MARK1: variants seen among roughly 807,000 people sequenced by gnomAD.
MARK1 encodes microtubule affinity regulating kinase 1, also known as serine/threonine-protein kinase MARK1.
A neutral mutation model predicts 96.3 loss-of-function variants in MARK1; 40 were observed. That is an observed-to-expected ratio of 0.42 (90% confidence interval 0.32 to 0.54). MARK1 has a LOEUF of 0.54. MARK1 is among the 20% of genes least tolerant of loss of function. The probability of loss-of-function intolerance (pLI) is 0.16; values close to 1 mark genes in which losing one functional copy is unlikely to be tolerated. For missense variants in MARK1, 719 were observed against 984.6 expected, an observed-to-expected ratio of 0.73 and a Z score of 3.61; for synonymous variants, 317 against 341.2, an observed-to-expected ratio of 0.93 and a Z score of 0.78.
intron 1 of MARK1, among the ~76,000 whole-genome samples, chr1:220,577,843 G>A (rs1033721753): frequency 2.0e-5 from 3 of 152,192 alleles, no homozygotes; most frequent in Admixed American, 6.5e-5. Context: ...GTGATACGTG[G>A]AAGTACAGGT....
At chr1:220,645,018 T>G (rs1668502374) in intron 13 of MARK1, among the ~76,000 whole-genome samples, 1 of 151,742 alleles carries the variant, frequency 6.6e-6, no homozygotes, top group Non-Finnish European at 1.5e-5. Context: ...CTAAAAGAAC[T>G]AGAGAACCAA....
intron 1 of MARK1, among the ~76,000 whole-genome samples, chr1:220,554,690 T>C (rs1041957913): frequency 6.6e-6 from 1 of 151,844 alleles, no homozygotes; most frequent in African/African-American, 2.4e-5. Context: ...GGTACTGGAG[T>C]GTGTTGATTT....
At chr1:220,550,010 C>A (rs896362296) in intron 1 of MARK1, among the ~76,000 whole-genome samples, 2 of 152,204 alleles carry the variant, frequency 1.3e-5, no homozygotes, top group African/African-American at 4.8e-5. Context: ...AGTCGTGATA[C>A]AACTAAATTC....
chr1:220,642,988 G>A (rs769880350), intron 13 of MARK1, among the ~76,000 whole-genome samples: 4 of 152,234 alleles, frequency 2.6e-5, no homozygotes, highest in African/African-American at 4.8e-5. Flanking sequence ...ATAAATCCAC[G>A]AAAATGAGGA....
In MARK1 at chr1:220,664,106, C is replaced by A. The variant is rs572344780; in HGVS notation, c.*1940C>A. The A allele has an allele frequency of 5.9e-5, 9 of 152,242 alleles. No individual in the cohort carries two copies. The highest frequency in any genetic ancestry group is 2.2e-4 in the African/African-American group (9 of 41,536). The allele number at this position is 152,242 out of a possible 1,614,324, so 9.4% of individuals were successfully genotyped here. A position where few individuals can be genotyped will look rare whatever the true frequency, so the allele number is the denominator to read the frequency against. On this transcript the variant is annotated 3_prime_UTR_variant, in exon 18 of 18. Coordinates refer to ENST00000366917, the MANE Select transcript of MARK1 (RefSeq NM_018650.5). ...AAGTTTAATCTTTTTATAGGAATTC[C>A]TGTCACTGAAATACGTTTTTAAAAA... is the stretch of plus-strand genomic sequence containing the variant.
At chr1:220,552,780 T>C (rs1661954157) in intron 1 of MARK1, among the ~76,000 whole-genome samples, 2 of 152,190 alleles carry the variant, frequency 1.3e-5, no homozygotes, top group South Asian at 4.1e-4. Context: ...TCCCTTCTAT[T>C]ATGAAAGTAG....
At position 220,582,445 on chromosome 1, in the gene MARK1, AC is replaced by A. The variant is rs200715813; in HGVS notation, c.309+1328del. ...TTTACTGGGCTGGAACCACAGTAGG[AC>A]ATATCTTTGCCTACCCCTGTGCTGG... On this transcript the variant is annotated intron_variant, in intron 3 of 17. Transcript: ENST00000366917. 3.5e-4 allele frequency among the ~76,000 whole-genome samples: 54 copies of A among 152,328 alleles called. 1 individual carries two copies. In the East Asian group the frequency reaches 5.2e-3, roughly 15 times the overall value.
chr1:220,564,822 G>A (rs1443589520), intron 1 of MARK1, among the ~76,000 whole-genome samples: 1 of 152,148 alleles, frequency 6.6e-6, no homozygotes, highest in South Asian at 2.1e-4. Flanking sequence ...TAATGTTGAA[G>A]TGTAGGGACT....
At chr1:220,564,762 A>T (rs1662923339) in intron 1 of MARK1, among the ~76,000 whole-genome samples, 1 of 152,172 alleles carries the variant, frequency 6.6e-6, no homozygotes, top group Admixed American at 6.5e-5. Context: ...TTCAGCAACT[A>T]TAGGTTGTCA....
At chr1:220,552,601 G>C (rs1374986231) in intron 1 of MARK1, among the ~76,000 whole-genome samples, 1 of 152,076 alleles carries the variant, frequency 6.6e-6, no homozygotes, top group Non-Finnish European at 1.5e-5. Flanking sequence ...TGAGTTCGTT[G>C]CCTAGAAGCA....
intron 1 of MARK1, among the ~76,000 whole-genome samples, chr1:220,573,538 T>C (rs1663618269): frequency 6.6e-6 from 1 of 152,054 alleles, no homozygotes; most frequent in Admixed American, 6.6e-5. Context: ...TTAGCCAGGA[T>C]GGTCTCGATC....
chr1:220,586,270 C>T (rs529380056), intron 3 of MARK1, among the ~76,000 whole-genome samples: 32 of 152,260 alleles, frequency 2.1e-4, no homozygotes, highest in South Asian at 1.7e-3. Flanking sequence ...TAGTGATTTT[C>T]ATCTGCTCCT....
chr1:220,650,645 T>C lies in MARK1; in HGVS notation c.1496T>C (p.Met499Thr), dbSNP rs1304309963. Residue 499 changes from methionine to threonine, a missense_variant, in exon 14 of 18, where the codon ATG becomes ACG. Coordinates refer to ENST00000366917, the MANE Select transcript of MARK1 (RefSeq NM_018650.5). ...AACAATGTGTATTCTGGAGGTAGCA[T>C]GGCAAGAAGGAATACATATGTCTGT... ...PSNNVYSGGSMARRNTYVCER... is the reference protein window; with the variant it reads ...PSNNVYSGGSTARRNTYVCER... The C allele has an allele frequency of 1.2e-6, 2 of 1,611,520 alleles. No homozygotes were observed. Among genetic ancestry groups the C allele is most frequent in the Admixed American group, 3.3e-5 (2 of 59,978 alleles).
rs770834531 is a variant in MARK1 at position 220,650,601 on chromosome 1, CT to C, written c.1471-11del. On this transcript the variant is annotated intron_variant, in intron 13 of 17. Coordinates refer to ENST00000366917, the MANE Select transcript of MARK1 (RefSeq NM_018650.5). Reference sequence around the variant, plus strand: ...AATATATTTATAATTTTTTAATTGCCTTTTTTTTATTCTTGAAGAACAATGT... The same window carrying C: ...AATATATTTATAATTTTTTAATTGCCTTTTTTTATTCTTGAAGAACAATGT... 193 of 1,501,764 alleles carry C rather than the reference CT, an allele frequency of 1.3e-4. No individual in the cohort carries two copies. Among genetic ancestry groups the C allele is most frequent in the Non-Finnish European group, 1.5e-4 (161 of 1,088,320 alleles). The allele number at this position is 1,501,764 out of a possible 1,614,324, so 93.0% of individuals were successfully genotyped here. A position where few individuals can be genotyped will look rare whatever the true frequency, so the allele number is the denominator to read the frequency against.
rs1312633573 is a variant in MARK1, at chr1:220,535,257, T to G, written c.51+6384T>G. Among the ~76,000 whole-genome samples the G allele has an allele frequency of 1.3e-5, 2 of 152,102 alleles. 1 individual carries two copies. Among genetic ancestry groups the G allele is most frequent in the Non-Finnish European group, 2.9e-5 (2 of 67,956 alleles). ...TTATTTTGTTTTATGGTTTTTAAAA[T>G]TATAGCTATCCTAACAGTTGTAAAG... On this transcript the variant is annotated intron_variant, in intron 1 of 17. Coordinates refer to ENST00000366917, the MANE Select transcript of MARK1 (RefSeq NM_018650.5).
Position 220,576,358 on chromosome 1 carries a change from A to G in MARK1, c.52-2996A>G, listed in dbSNP as rs137891027. Among the ~76,000 whole-genome samples the G allele has an allele frequency of 3.6e-3, 554 of 151,790 alleles. 2 individuals are homozygous for G. The highest frequency in any genetic ancestry group is 0.013 in the African/African-American group (546 of 41,366). On this transcript the variant is annotated intron_variant, in intron 1 of 17. Coordinates refer to ENST00000366917, the MANE Select transcript of MARK1 (RefSeq NM_018650.5). ...ATGGCAGACAGCAAGTTGAGACACA[A>G]CAAGGCCTCTTGAAGTCTAGCTTGG...
chr1:220,620,476 C>G (rs1490533392), intron 9 of MARK1, among the ~76,000 whole-genome samples: 1 of 152,096 alleles, frequency 6.6e-6, no homozygotes, highest in African/African-American at 2.4e-5. Context: ...AAAGTTGAAG[C>G]AGCAGCTTAG....
At chr1:220,642,016 G>A (rs2103030059) in intron 13 of MARK1, among the ~76,000 whole-genome samples, 1 of 152,348 alleles carries the variant, frequency 6.6e-6, no homozygotes, top group East Asian at 1.9e-4. Context: ...CAGCCGTTTG[G>A]ACAGGCACTG....
At chr1:220,637,623 G>A (rs1668036387) in intron 13 of MARK1, among the ~76,000 whole-genome samples, 1 of 152,126 alleles carries the variant, frequency 6.6e-6, no homozygotes, top group African/African-American at 2.4e-5. Context: ...AGGTTGCAGT[G>A]AGCCAAGATC....
Sources: allele counts gnomAD v4.1 joint callset (sites outside exome capture counted in the v4.1 genomes callset), GRCh38; gene constraint gnomAD v4.1.1; transcripts MANE v1.5; gene names NCBI Gene and HGNC (gene_info 2026-07-23, HGNC 2026-07-21).